MYT1L: variants seen among roughly 807,000 people sequenced by gnomAD.
MYT1L encodes myelin transcription factor 1-like protein.
MYT1L carries 12 observed loss-of-function variants against 126.7 expected under a neutral mutation model. The observed-to-expected ratio is 0.09, with a 90% confidence interval of 0.06 to 0.15. MYT1L has a LOEUF of 0.15. Among genes scored for constraint, MYT1L ranks in the 10% least tolerant of loss-of-function variants. The pLI, the probability that MYT1L is intolerant of heterozygous loss-of-function variation, is 1.00. For missense variants in MYT1L, 979 were observed against 1,585.2 expected (o/e 0.62, Z 6.49); for synonymous variants, 541 against 604.2 (o/e 0.90, Z 1.53).
At chr2:1,934,191 G>A (rs1002078058) in intron 9 of MYT1L, among the ~76,000 whole-genome samples, 3 of 151,098 alleles carry the variant, frequency 2.0e-5, no homozygotes, top group African/African-American at 4.9e-5. Flanking sequence ...AGCCAGGATG[G>A]TCTCGATCTC....
intron 2 of MYT1L, among the ~76,000 whole-genome samples, chr2:2,207,955 G>A (rs1449967045): frequency 1.3e-5 from 2 of 152,026 alleles, no homozygotes; most frequent in African/African-American, 4.8e-5. Flanking sequence ...CCTTCTACTG[G>A]GGCCCCCTAT....
At chr2:2,218,498 T>TG (rs1397420149) in intron 2 of MYT1L, among the ~76,000 whole-genome samples, 1 of 152,030 alleles carries the variant, frequency 6.6e-6, no homozygotes, top group East Asian at 1.9e-4. Context: ...TCATACCAAA[T>TG]CCTGAAAAAT....
At position 1,979,102 on chromosome 2, in the gene MYT1L, G is replaced by T; in HGVS notation, c.152+63C>A. 1 of 1,357,816 alleles carries T rather than the reference G, an allele frequency of 7.4e-7. No individual in the cohort carries two copies. Among genetic ancestry groups the T allele is most frequent in the African/African-American group, 1.4e-5 (1 of 69,538 alleles). The allele number at this position is 1,357,816 out of a possible 1,614,324, so 84.1% of individuals were successfully genotyped here. On this transcript the variant is annotated intron_variant, in intron 8 of 24. Coordinates refer to ENST00000647738, the MANE Select transcript of MYT1L (RefSeq NM_001303052.2). The surrounding 1 kb of genome is among the most constrained non-coding windows in gnomAD (Gnocchi z 4.0). ...ACCTGCTCACACAGTTCATCATCAG[G>T]ACTGGGTCCCCAAATAAGTCACTTT...
intron 15 of MYT1L, among the ~76,000 whole-genome samples, chr2:1,890,279 G>A (rs972068601): frequency 6.6e-6 from 1 of 151,960 alleles, no homozygotes; most frequent in Non-Finnish European, 1.5e-5. Context: ...CTATATGTTG[G>A]CCAGGCTGGT....
chr2:2,293,533 G>A lies in MYT1L; in HGVS notation c.-520-9030C>T, dbSNP rs192038468. Among the ~76,000 whole-genome samples, 501 of 152,336 alleles carry A rather than the reference G, an allele frequency of 3.3e-3. 4 individuals are homozygous for A. The highest frequency in any genetic ancestry group is 3.7e-3 in the Non-Finnish European group (252 of 68,034). Reference sequence around the variant, plus strand: ...GAGCTGGGCTTCCCTCGGAGCTAAGGAGGTGGAACTTAGAAGAACGAAGGC... The same window carrying A: ...GAGCTGGGCTTCCCTCGGAGCTAAGAAGGTGGAACTTAGAAGAACGAAGGC... On this transcript the variant is annotated intron_variant, in intron 1 of 24. Transcript: ENST00000647738.
At chr2:2,003,537 G>A (rs1043461836) in intron 4 of MYT1L, among the ~76,000 whole-genome samples, 1 of 152,204 alleles carries the variant, frequency 6.6e-6, no homozygotes, top group Non-Finnish European at 1.5e-5. Context: ...ATGGCCTGTG[G>A]GCCTGCTGCT....
intron 8 of MYT1L, among the ~76,000 whole-genome samples, chr2:1,977,839 G>A (rs752141929): frequency 2.0e-5 from 3 of 152,124 alleles, no homozygotes; most frequent in East Asian, 1.9e-4. Context: ...CAGTGTTTTA[G>A]ACTTTTAGAT....
At chr2:2,298,417 C>T (rs886676695) in intron 1 of MYT1L, among the ~76,000 whole-genome samples, 1 of 152,122 alleles carries the variant, frequency 6.6e-6, no homozygotes, top group Non-Finnish European at 1.5e-5. Context: ...GGAAATATTC[C>T]AGCAGGAGGA....
rs540032591 is a variant in MYT1L at position 1,889,878 on chromosome 2, A to C, written c.2284-401T>G. On this transcript the variant is annotated intron_variant, in intron 15 of 24. Transcript: ENST00000647738. This position sits in a 1 kb window ranked among gnomAD's most constrained non-coding sequence, Gnocchi z 4.1. Reference sequence around the variant, plus strand: ...CCGTTGCAAATACCTAAGAGATAAAAATTTTGTGTGTATGCATGTGTGCAT... The same window carrying C: ...CCGTTGCAAATACCTAAGAGATAAACATTTTGTGTGTATGCATGTGTGCAT... Among the ~76,000 whole-genome samples the C allele has an allele frequency of 6.6e-6, 1 of 152,088 alleles. No individual in the cohort carries two copies. The highest frequency in any genetic ancestry group is 1.5e-5 in the Non-Finnish European group (1 of 68,026).
At chr2:2,292,675 G>A (rs1255086024) in intron 1 of MYT1L, among the ~76,000 whole-genome samples, 1 of 152,128 alleles carries the variant, frequency 6.6e-6, no homozygotes. Flanking sequence ...TGAGAACACT[G>A]TGCTCAAGTC....
chr2:1,988,230 A>G (rs1451682770), intron 5 of MYT1L, among the ~76,000 whole-genome samples: 1 of 151,922 alleles, frequency 6.6e-6, no homozygotes, highest in African/African-American at 2.4e-5. Flanking sequence ...CTGCCAGCCC[A>G]GCTGCACCTC....
At chr2:1,959,141 G>A (rs1156807905) in intron 8 of MYT1L, among the ~76,000 whole-genome samples, 1 of 151,862 alleles carries the variant, frequency 6.6e-6, no homozygotes, top group East Asian at 1.9e-4. Context: ...TCATAGCTGT[G>A]AAAAAAAACA....
intron 1 of MYT1L, among the ~76,000 whole-genome samples, chr2:2,301,036 G>A (rs1047415882): frequency 1.4e-4 from 21 of 152,104 alleles, no homozygotes; most frequent in Admixed American, 1.3e-3. Context: ...TCCAGCGAGT[G>A]TTCTGTAAAC....
intron 2 of MYT1L, among the ~76,000 whole-genome samples, chr2:2,236,390 A>C (rs1385820303): frequency 7.0e-6 from 1 of 142,884 alleles, no homozygotes; most frequent in Admixed American, 7.0e-5. Context: ...ACCCCAGTAC[A>C]TCCCAACCTA....
At chr2:2,028,253 C>T (rs2065848550) in intron 4 of MYT1L, among the ~76,000 whole-genome samples, 1 of 152,342 alleles carries the variant, frequency 6.6e-6, no homozygotes, top group Non-Finnish European at 1.5e-5. Context: ...ATGCTCGTAG[C>T]CCAAACCAGG....
chr2:1,900,240 T>G (rs116125407), intron 14 of MYT1L, among the ~76,000 whole-genome samples: 1,710 of 152,052 alleles, frequency 0.011, 15 homozygotes, highest in South Asian at 0.02. Context: ...CAGATCTCCT[T>G]GGATTACACC....
chr2:1,991,232 G>A (rs2061431590), intron 5 of MYT1L, among the ~76,000 whole-genome samples: 1 of 152,120 alleles, frequency 6.6e-6, no homozygotes, highest in African/African-American at 2.4e-5. Flanking sequence ...TGGATCCGGG[G>A]CTCCTGTTGG....
chr2:2,000,129 C>T (rs1413715164), intron 4 of MYT1L, among the ~76,000 whole-genome samples: 1 of 152,206 alleles, frequency 6.6e-6, no homozygotes, highest in Non-Finnish European at 1.5e-5. Context: ...ACAAAACCTA[C>T]AGCTCCCCTC....
At position 2,294,927 on chromosome 2, in the gene MYT1L, A is replaced by G. The variant is rs1487212351; in HGVS notation, c.-520-10424T>C. On this transcript the variant is annotated intron_variant, in intron 1 of 24. Coordinates refer to ENST00000647738, the MANE Select transcript of MYT1L (RefSeq NM_001303052.2). ...GAAGCAATCAATGTGCATAAATGAG[A>G]TCAATAACGTGCAGTTAAAAGTGAT... 1.3e-5 allele frequency among the ~76,000 whole-genome samples: 2 copies of G among 152,174 alleles called. 1 individual carries two copies. Among genetic ancestry groups the G allele is most frequent in the African/African-American group, 4.8e-5 (2 of 41,432 alleles).
Sources: allele counts gnomAD v4.1 joint callset (sites outside exome capture counted in the v4.1 genomes callset), GRCh38; gene constraint gnomAD v4.1.1; non-coding constraint Gnocchi (gnomAD v3.1); transcripts MANE v1.5; gene names NCBI Gene and HGNC (gene_info 2026-07-23, HGNC 2026-07-21).